HRH1: variants seen among roughly 807,000 people sequenced by gnomAD.
The protein encoded by HRH1 is histamine H1 receptor.
Under a neutral mutation model 10.3 loss-of-function variants are expected in HRH1, and 6 were observed. The ratio of observed to expected loss-of-function variants is 0.58; its 90% CI spans 0.32 to 1.15. The LOEUF is 1.15. HRH1 is among the 50% of genes most tolerant of loss of function. The pLI is 0.05. For missense variants in HRH1, 514 were observed against 615.3 expected (o/e 0.84, Z 1.74); for synonymous variants, 242 against 236.7 (o/e 1.02, Z -0.21).
At chr3:11,219,948 T>G (rs1321874706) in intron 1 of HRH1, among the ~76,000 whole-genome samples, 2 of 126,530 alleles carry the variant, frequency 1.6e-5, no homozygotes, top group African/African-American at 5.9e-5. Context: ...ACTTAATGTG[T>G]TGTTTTTTTT....
chr3:11,188,932 C>G (rs1336556895), intron 1 of HRH1, among the ~76,000 whole-genome samples: 2 of 152,196 alleles, frequency 1.3e-5, no homozygotes, highest in African/African-American at 4.8e-5. Context: ...TTCCTGAAGA[C>G]AGGAGTATCA....
At chr3:11,224,135 T>C (rs1034700426) in intron 1 of HRH1, among the ~76,000 whole-genome samples, 1 of 152,222 alleles carries the variant, frequency 6.6e-6, no homozygotes, top group African/African-American at 2.4e-5. Flanking sequence ...TCACTCTTTC[T>C]GAAGCCGTGC....
chr3:11,221,914 C>T (rs868192472), intron 1 of HRH1, among the ~76,000 whole-genome samples: 5 of 152,206 alleles, frequency 3.3e-5, no homozygotes, highest in South Asian at 2.1e-4. Flanking sequence ...GGTGATACCA[C>T]GTGCCAGATG....
Position 11,248,527 on chromosome 3 carries a change from C to T in HRH1, c.-35-10476C>T, listed in dbSNP as rs186973038. Among the ~76,000 whole-genome samples the T allele has an allele frequency of 2.6e-5, 4 of 152,346 alleles. No homozygotes were observed. The East Asian group carries it at 7.7e-4, about 29-fold the overall frequency. On this transcript the variant is annotated intron_variant, in intron 1 of 1. Transcript: ENST00000431010. ...AGAGGGATAGCCAACTGAATTACAG[C>T]ACAAGTGCTGCTCCAGGTACTTGGC...
At chr3:11,225,319 A>G (rs1307260246) in intron 1 of HRH1, among the ~76,000 whole-genome samples, 1 of 152,216 alleles carries the variant, frequency 6.6e-6, no homozygotes, top group East Asian at 1.9e-4. Flanking sequence ...TGACAATGTG[A>G]GAACCAGGCC....
intron 1 of HRH1, among the ~76,000 whole-genome samples, chr3:11,246,094 TCACA>T (rs749322811): frequency 9.9e-5 from 15 of 151,040 alleles, no homozygotes; most frequent in East Asian, 7.8e-4. Flanking sequence ...ACATTCACAC[TCACA>T]CACACAAACA....
intron 1 of HRH1, among the ~76,000 whole-genome samples, chr3:11,243,247 A>G (rs74414217): frequency 1.1e-4 from 17 of 152,110 alleles, no homozygotes; most frequent in African/African-American, 3.6e-4. Context: ...CATCCAGTAA[A>G]CCTCTGTTGA....
chr3:11,177,874 A>G (rs1937276741), intron 1 of HRH1, among the ~76,000 whole-genome samples: 1 of 152,210 alleles, frequency 6.6e-6, no homozygotes, highest in Non-Finnish European at 1.5e-5. Context: ...CTCTCCAAAC[A>G]GCAGATTCTC....
intron 1 of HRH1, among the ~76,000 whole-genome samples, chr3:11,137,712 G>A (rs1936210247): frequency 6.6e-6 from 1 of 152,144 alleles, no homozygotes; most frequent in African/African-American, 2.4e-5. Context: ...TCCTTCTTGA[G>A]GATGGGGAAC....
chr3:11,213,724 C>T (rs1203668518), intron 1 of HRH1, among the ~76,000 whole-genome samples: 1 of 152,214 alleles, frequency 6.6e-6, no homozygotes, highest in Non-Finnish European at 1.5e-5. Flanking sequence ...AGCCTAATCA[C>T]CTCCCAAAGC....
chr3:11,167,533 C>T (rs76143179), intron 1 of HRH1, among the ~76,000 whole-genome samples: 12 of 151,728 alleles, frequency 7.9e-5, no homozygotes, highest in African/African-American at 1.5e-4. Flanking sequence ...TCTCCAGGCC[C>T]GTGACATCTG....
intron 1 of HRH1, among the ~76,000 whole-genome samples, chr3:11,225,730 G>T (rs1214870694): frequency 6.6e-6 from 1 of 152,238 alleles, no homozygotes; most frequent in African/African-American, 2.4e-5. Context: ...CTGTCGCCCA[G>T]GCTGGAGTGC....
At chr3:11,242,462 C>T (rs1213850963) in intron 1 of HRH1, among the ~76,000 whole-genome samples, 1 of 112,826 alleles carries the variant, frequency 8.9e-6, no homozygotes, top group Non-Finnish European at 1.6e-5. Flanking sequence ...GCCTGGGCAA[C>T]AGAGCCAGAC....
At position 11,259,586 on chromosome 3, in the gene HRH1, C is replaced by T. The variant is rs1215146798; in HGVS notation, c.549C>T (p.Asp183=). Residue 183 remains aspartate (D), a synonymous_variant, in exon 2 of 2, where the codon GAC becomes GAT. Transcript: ENST00000431010. The surrounding 1 kb of genome is among the most constrained non-coding windows in gnomAD (Gnocchi z 4.6). The part of the protein sequence containing the change: ...SVRREDKCET[D]FYDVTWFKVM... ...GCCGAGAGGACAAGTGTGAGACAGA[C>T]TTCTATGATGTCACCTGGTTCAAGG... is the stretch of plus-strand genomic sequence containing the variant. The T allele has an allele frequency of 6.8e-6, 11 of 1,614,014 alleles. No homozygotes were observed. The highest frequency in any genetic ancestry group is 9.3e-6 in the Non-Finnish European group (11 of 1,180,028).
chr3:11,151,053 C>T (rs1447202769), upstream of HRH1, among the ~76,000 whole-genome samples: 2 of 152,188 alleles, frequency 1.3e-5, no homozygotes, highest in East Asian at 3.9e-4. Context: ...TTCCAGTGGC[C>T]TACAGCGGGC....
chr3:11,141,367 T>G (rs1439434756), intron 1 of HRH1, among the ~76,000 whole-genome samples: 1 of 152,176 alleles, frequency 6.6e-6, no homozygotes, highest in Admixed American at 6.5e-5. Context: ...CACCCCAACA[T>G]GTAGTGGCTT....
At chr3:11,226,805 T>A (rs1336429398) in intron 1 of HRH1, among the ~76,000 whole-genome samples, 1 of 151,414 alleles carries the variant, frequency 6.6e-6, no homozygotes, top group Non-Finnish European at 1.5e-5. Flanking sequence ...GAGAATCACT[T>A]GAACCTGGGA....
chr3:11,145,660 T>G (rs1936424764), intron 1 of HRH1, among the ~76,000 whole-genome samples: 1 of 152,180 alleles, frequency 6.6e-6, no homozygotes, highest in Admixed American at 6.5e-5. Flanking sequence ...AATGAATTTT[T>G]GCCTGTCTAT....
chr3:11,234,583 G>GTTCCA, intron 1 of HRH1: 1 of 1,440,292 alleles, frequency 6.9e-7, no homozygotes, highest in Non-Finnish European at 9.8e-7. Context: ...TGGATCGTTG[G>GTTCCA]GGTCATCAGC....
Sources: allele counts gnomAD v4.1 joint callset (sites outside exome capture counted in the v4.1 genomes callset), GRCh38; gene constraint gnomAD v4.1.1; non-coding constraint Gnocchi (gnomAD v3.1); transcripts MANE v1.5; gene names NCBI Gene and HGNC (gene_info 2026-07-23, HGNC 2026-07-21).